The following ERCC6 variants were observed in gnomAD, a reference collection of about 807,000 sequenced individuals.
ERCC6 encodes DNA excision repair protein ERCC-6.
Under a neutral mutation model 158.7 loss-of-function variants are expected in ERCC6, and 116 were observed. The observed-to-expected ratio is 0.73, with a 90% confidence interval of 0.63 to 0.85. The LOEUF is 0.85. Ranked by LOEUF, ERCC6 falls within the 40% of genes least tolerant of loss-of-function variation. ERCC6 has a pLI of 0.00. For missense variants in ERCC6, 1,698 were observed against 1,799.4 expected (o/e 0.94, Z 1.02); for synonymous variants, 678 against 659.3 (o/e 1.03, Z -0.43).
intron 10 of ERCC6, among the ~76,000 whole-genome samples, chr10:49,480,319 C>T (rs1850954810): frequency 6.6e-6 from 1 of 152,198 alleles, no homozygotes; most frequent in South Asian, 2.1e-4. Flanking sequence ...TTGCCATTTT[C>T]CCCTGTGCCC....
chr10:49,492,268 C>T (rs1455868828), intron 8 of ERCC6, among the ~76,000 whole-genome samples: 1 of 152,118 alleles, frequency 6.6e-6, no homozygotes. Context: ...CCCTTGCAGC[C>T]GGCACTGCTT....
chr10:49,534,799 C>G (rs1280472366), intron 1 of ERCC6, among the ~76,000 whole-genome samples: 2 of 152,186 alleles, frequency 1.3e-5, no homozygotes, highest in East Asian at 1.9e-4. Context: ...TGTAACTTTT[C>G]TGTTAAATGA....
rs1228233360 is a variant in ERCC6 at position 49,476,216 on chromosome 10, T to C, written c.2381A>G (p.Gln794Arg). Residue 794 changes from glutamine (Q) to arginine (R), a missense_variant and splice_region_variant, in exon 12 of 21, where the codon CAG becomes CGG. Transcript: ENST00000355832. ...TCCAGCTTCTATTTTTTAGCTGACCTGCATCTCTCCATTGAGAATCCTGTA... is the reference window on the plus strand; with the variant it reads ...TCCAGCTTCTATTTTTTAGCTGACCCGCATCTCTCCATTGAGAATCCTGTA... ...EVYRILNGEMQIFSGLIALRK... is the reference protein window; with the variant it reads ...EVYRILNGEMRIFSGLIALRK... 1.6e-5 allele frequency: 26 copies of C among 1,606,704 alleles called. No individual in the cohort carries two copies.
chr10:49,528,655 T>C, intron 3 of ERCC6, 130 bp from the exon 4 acceptor site: 1 of 1,189,930 alleles, frequency 8.4e-7, no homozygotes, highest in Non-Finnish European at 1.2e-6. Context: ...ACATAAAAAT[T>C]CCATACATTA....
In ERCC6 at chr10:49,455,508, C is replaced by G. The variant is rs1850470224; in HGVS notation, c.*3307G>C. On this transcript the variant is annotated 3_prime_UTR_variant, in exon 21 of 21. Transcript: ENST00000355832. ...ATGAATGGCAAAACACAATGCAAAG[C>G]ACCAAATGACAGCGTGAGGAGTGTG... is the stretch of plus-strand genomic sequence containing the variant. 1 of 152,192 alleles carries G rather than the reference C, an allele frequency of 6.6e-6. No homozygotes were observed. 9.4% of individuals were successfully genotyped at this position (152,192 alleles called of 1,614,324 possible).
At chr10:49,453,882 T>G (rs905752827), downstream of ERCC6, among the ~76,000 whole-genome samples, 4 of 152,318 alleles carry the variant, frequency 2.6e-5, no homozygotes, top group Non-Finnish European at 5.9e-5. Context: ...TTTTTTTCAC[T>G]CACTACTTTC....
chr10:49,465,663 C>A (rs1254188377), intron 18 of ERCC6, among the ~76,000 whole-genome samples: 2 of 152,126 alleles, frequency 1.3e-5, no homozygotes, highest in African/African-American at 4.8e-5. Context: ...CTGTGCTGTT[C>A]TTGTACTAGT....
At chr10:49,497,224 C>G (rs887860589) in intron 7 of ERCC6, among the ~76,000 whole-genome samples, 1 of 152,258 alleles carries the variant, frequency 6.6e-6, no homozygotes, top group African/African-American at 2.4e-5. Flanking sequence ...CCTTCCATGG[C>G]AGCAAGCCTT....
intron 18 of ERCC6, 138 bp from the exon 19 acceptor site, chr10:49,461,694 T>G: frequency 1.2e-6 from 1 of 806,664 alleles, no homozygotes; most frequent in South Asian, 1.6e-5. Context: ...GAATCAATGA[T>G]AAAAAATAGT....
chr10:49,491,682 G>A (rs947394837), intron 8 of ERCC6, among the ~76,000 whole-genome samples: 1 of 152,184 alleles, frequency 6.6e-6, no homozygotes, highest in Non-Finnish European at 1.5e-5. Context: ...TGGTGACAAA[G>A]GAACTGGAGG....
Position 49,524,206 on chromosome 10 carries a change from G to A in ERCC6, c.1224C>T (p.Pro408=), listed in dbSNP as rs1234406064. ...DGTDYELKPL[P]KGGKRQKKVP... ...CTTTCTTCTGCCGTTTCCCGCCCTT[G>A]GGCAGAGGCTTCAGCTCATAGTCAG... Residue 408 remains proline (P), a synonymous_variant, in exon 5 of 21, where the codon CCC becomes CCT. Coordinates refer to ENST00000355832, the MANE Select transcript of ERCC6 (RefSeq NM_000124.4). 21 of 1,614,018 alleles carry A rather than the reference G, an allele frequency of 1.3e-5. No homozygotes were observed. The highest frequency in any genetic ancestry group is 2.2e-5 in the East Asian group (1 of 44,868).
At chr10:49,494,031 A>T (rs961840956) in intron 7 of ERCC6, among the ~76,000 whole-genome samples, 1 of 152,228 alleles carries the variant, frequency 6.6e-6, no homozygotes, top group Non-Finnish European at 1.5e-5. Flanking sequence ...ACACACTGGG[A>T]TACACACTGG....
rs1195841694 is a variant in ERCC6 at position 49,455,337 on chromosome 10, A to C, written c.*3478T>G. On this transcript the variant is annotated 3_prime_UTR_variant, in exon 21 of 21. Coordinates refer to ENST00000355832, the MANE Select transcript of ERCC6 (RefSeq NM_000124.4). ...ATTATAAAGAGGTCTATTATTCTCA[A>C]ATTAATGTGTAAACAAATGCAATCC... The C allele has an allele frequency of 6.6e-6, 1 of 152,240 alleles. No homozygotes were observed. The highest frequency in any genetic ancestry group is 1.5e-5 in the Non-Finnish European group (1 of 68,044). The allele number at this position is 152,240 out of a possible 1,614,324, so 9.4% of individuals were successfully genotyped here.
intron 6 of ERCC6, chr10:49,504,713 T>C (rs1349685637): frequency 2.0e-5 from 3 of 152,154 alleles, no homozygotes; most frequent in East Asian, 1.9e-4. Context: ...TAATTCTCAT[T>C]TGGGAGAAGC....
At chr10:49,534,898 C>G (rs541132937) in intron 1 of ERCC6, among the ~76,000 whole-genome samples, 1 of 152,328 alleles carries the variant, frequency 6.6e-6, no homozygotes, top group South Asian at 2.1e-4. Context: ...TCAGCATCAT[C>G]TACACCCGAG....
chr10:49,460,148 G>C, intron 20 of ERCC6: 1 of 594,214 alleles, frequency 1.7e-6, no homozygotes, highest in African/African-American at 1.9e-5. Context: ...TGGCAAAACA[G>C]AAATGCTGCT....
the ERCC6 span, among the ~76,000 whole-genome samples, chr10:49,437,491 T>C: frequency 6.6e-6 from 1 of 152,120 alleles, no homozygotes; most frequent in Non-Finnish European, 1.5e-5. Flanking sequence ...AGTACAAAAC[T>C]GAGAATAGTG....
chr10:49,460,245 CAACACAAATATCAGG>C (rs1850553466), intron 20 of ERCC6, 113 bp downstream of exon 20: 1 of 730,540 alleles, frequency 1.4e-6, no homozygotes, highest in East Asian at 2.6e-5. Context: ...TCAGAGCGTG[CAACACAAATATCAGG>C]TGTCATTACA....
intron 18 of ERCC6, among the ~76,000 whole-genome samples, chr10:49,463,242 G>A (rs981328077): frequency 2.6e-5 from 4 of 152,118 alleles, no homozygotes; most frequent in South Asian, 4.1e-4. Flanking sequence ...AATATAATAC[G>A]TTTATCAATT....
Sources: gnomAD v4.1 joint callset for allele counts (sites outside exome capture counted in the v4.1 genomes callset) on GRCh38, gnomAD v4.1.1 for gene constraint, MANE v1.5 for transcripts, NCBI Gene and HGNC (gene_info 2026-07-23, HGNC 2026-07-21) for gene names.